The following CNTNAP2 variants were observed in gnomAD, a reference collection of about 807,000 sequenced individuals.
CNTNAP2 encodes the protein contactin associated protein 2, also known as contactin-associated protein-like 2.
In CNTNAP2, 98 loss-of-function variants were observed where a neutral mutation model predicts 155.2. That is an observed-to-expected ratio of 0.63 (90% CI 0.54 to 0.75). The LOEUF (loss-of-function observed/expected upper bound fraction) is 0.75, where lower values mean the gene tolerates loss of function less well. CNTNAP2 is among the 30% of genes least tolerant of loss of function. CNTNAP2 has a pLI of 0.00. For missense variants in CNTNAP2, 1,727 were observed against 1,688.1 expected, an observed-to-expected ratio of 1.02 and a Z score of -0.40; for synonymous variants, 651 against 631.2, an observed-to-expected ratio of 1.03 and a Z score of -0.47.
chr7:147,262,349 T>G (rs1470648658), intron 8 of CNTNAP2, among the ~76,000 whole-genome samples: 1 of 152,184 alleles, frequency 6.6e-6, no homozygotes, highest in African/African-American at 2.4e-5. Flanking sequence ...TATGTTGAAG[T>G]CTTAACCCCT....
intron 22 of CNTNAP2, among the ~76,000 whole-genome samples, chr7:148,403,796 A>C (rs1799640381): frequency 6.6e-6 from 1 of 152,354 alleles, no homozygotes; most frequent in South Asian, 2.1e-4. Flanking sequence ...CTTTGCCTCA[A>C]GGGGGTAAGC....
intron 4 of CNTNAP2, among the ~76,000 whole-genome samples, chr7:147,089,467 T>A (rs1020987864): frequency 1.3e-5 from 2 of 152,200 alleles, no homozygotes; most frequent in Non-Finnish European, 1.5e-5. Flanking sequence ...ATTTTACACT[T>A]TTTCCTTTAT....
At chr7:147,478,096 C>A (rs10265626) in intron 10 of CNTNAP2, among the ~76,000 whole-genome samples, 18,848 of 151,926 alleles carry the variant, frequency 0.12, 1,383 homozygotes, top group East Asian at 0.3. Context: ...AGAGGAACTG[C>A]AGTCCTATTT....
At chr7:146,634,870 C>G (rs1354531084) in intron 1 of CNTNAP2, among the ~76,000 whole-genome samples, 2 of 152,120 alleles carry the variant, frequency 1.3e-5, no homozygotes, top group Non-Finnish European at 2.9e-5. Flanking sequence ...ACCAATGGCA[C>G]TTAAATTTAA....
intron 1 of CNTNAP2, among the ~76,000 whole-genome samples, chr7:146,128,132 CT>C (rs369488316): frequency 6.6e-6 from 1 of 152,134 alleles, no homozygotes; most frequent in African/African-American, 2.4e-5. Context: ...ACATTACTCT[CT>C]TTTCTATTAG....
chr7:146,274,754 T>C (rs77002578), intron 1 of CNTNAP2, among the ~76,000 whole-genome samples: 3 of 150,456 alleles, frequency 2.0e-5, no homozygotes, highest in African/African-American at 7.5e-5. Context: ...TGAGTAAATA[T>C]ATAGAAAACT....
chr7:147,601,275 C>T lies in CNTNAP2; in HGVS notation c.1898-37831C>T, dbSNP rs544353334. ...CAAGGCTGTTTATTTCACCCGGGTGCAGGCGGGCTGAGTCTGAAAAGAGCC... is the reference window on the plus strand; with the variant it reads ...CAAGGCTGTTTATTTCACCCGGGTGTAGGCGGGCTGAGTCTGAAAAGAGCC... On this transcript the variant is annotated intron_variant, in intron 12 of 23. Coordinates refer to ENST00000361727, the MANE Select transcript of CNTNAP2 (RefSeq NM_014141.6). Among the ~76,000 whole-genome samples, 261 of 152,102 alleles carry T rather than the reference C, an allele frequency of 1.7e-3. 2 individuals are homozygous for T. Among genetic ancestry groups the T allele is most frequent in the African/African-American group, 5.8e-3 (242 of 41,466 alleles).
At chr7:146,520,503 C>G (rs1797603041) in intron 1 of CNTNAP2, among the ~76,000 whole-genome samples, 1 of 151,358 alleles carries the variant, frequency 6.6e-6, no homozygotes, top group South Asian at 2.1e-4. Context: ...TGAAACTGTT[C>G]TGGACTCTAA....
chr7:147,013,702 T>C (rs1798667424), intron 3 of CNTNAP2, among the ~76,000 whole-genome samples: 1 of 152,086 alleles, frequency 6.6e-6, no homozygotes, highest in African/African-American at 2.4e-5. Context: ...CAGAAAGTAA[T>C]CATCATTGTC....
At chr7:147,347,457 C>CAG (rs1795891511) in intron 9 of CNTNAP2, among the ~76,000 whole-genome samples, 1 of 50,004 alleles carries the variant, frequency 2.0e-5, no homozygotes. Flanking sequence ...TATATATATG[C>CAG]ATATATATAT....
At chr7:146,962,262 T>A (rs1457863933) in intron 3 of CNTNAP2, among the ~76,000 whole-genome samples, 1 of 152,178 alleles carries the variant, frequency 6.6e-6, no homozygotes, top group African/African-American at 2.4e-5. Context: ...AATGAAAGAA[T>A]GAGCAACTGT....
chr7:146,712,866 C>G (rs1801122649), intron 1 of CNTNAP2, among the ~76,000 whole-genome samples: 7 of 151,800 alleles, frequency 4.6e-5, no homozygotes. Context: ...TTTAGATGGT[C>G]TGCTTGGGAT....
intron 1 of CNTNAP2, among the ~76,000 whole-genome samples, chr7:146,385,128 G>T: frequency 6.6e-6 from 1 of 152,198 alleles, no homozygotes; most frequent in Middle Eastern, 3.4e-3. Flanking sequence ...TCCATTGTAT[G>T]AAATCACCAT....
At chr7:148,050,398 A>G (rs1392316085) in intron 15 of CNTNAP2, among the ~76,000 whole-genome samples, 1 of 152,218 alleles carries the variant, frequency 6.6e-6, no homozygotes, top group Admixed American at 6.5e-5. Context: ...TTAAAGTACA[A>G]AAATGAAAAA....
chr7:147,176,966 T>C (rs1414919033), intron 8 of CNTNAP2, among the ~76,000 whole-genome samples: 1 of 138,326 alleles, frequency 7.2e-6, no homozygotes, highest in East Asian at 2.0e-4. Flanking sequence ...TAATTATAAT[T>C]CTATATATAA....
intron 1 of CNTNAP2, among the ~76,000 whole-genome samples, chr7:146,471,211 T>C (rs1796792683): frequency 2.6e-5 from 4 of 152,174 alleles, no homozygotes; most frequent in Non-Finnish European, 5.9e-5. Context: ...GAAAACATGA[T>C]CTGGGTGAGA....
intron 1 of CNTNAP2, among the ~76,000 whole-genome samples, chr7:146,564,817 G>C (rs2129144925): frequency 1.3e-5 from 2 of 151,666 alleles, no homozygotes; most frequent in East Asian, 3.9e-4. Flanking sequence ...ATAGTACTTA[G>C]TAGTTTACAA....
At chr7:148,148,527 T>C (rs76282766) in intron 17 of CNTNAP2, among the ~76,000 whole-genome samples, 2,191 of 152,350 alleles carry the variant, frequency 0.014, 46 homozygotes, top group African/African-American at 0.049. Flanking sequence ...AGGGGGTCAA[T>C]TGATCAGTGC....
intron 10 of CNTNAP2, among the ~76,000 whole-genome samples, chr7:147,447,979 T>C (rs1286430917): frequency 1.3e-5 from 2 of 152,132 alleles, no homozygotes; most frequent in Admixed American, 1.3e-4. Flanking sequence ...AATTATTGTG[T>C]TGGAGGCCCT....
Sources: gnomAD v4.1 joint callset for allele counts (sites outside exome capture counted in the v4.1 genomes callset) on GRCh38, gnomAD v4.1.1 for gene constraint, MANE v1.5 for transcripts, NCBI Gene and HGNC (gene_info 2026-07-23, HGNC 2026-07-21) for gene names.